The following VPS13B variants were observed in gnomAD, a reference collection of about 807,000 sequenced individuals.
VPS13B encodes vacuolar protein sorting 13 homolog B.
VPS13B carries 285 observed loss-of-function variants against 426.4 expected under a neutral mutation model. The observed-to-expected ratio is 0.67, with a 90% confidence interval of 0.61 to 0.74. VPS13B has a LOEUF of 0.74. VPS13B is among the 30% of genes least tolerant of loss of function. The pLI is 0.00. For missense variants in VPS13B, 4,537 were observed against 4,782.6 expected, an observed-to-expected ratio of 0.95 and a Z score of 1.51; for synonymous variants, 1,676 against 1,676.4, an observed-to-expected ratio of 1.00 and a Z score of 0.01.
chr8:99,243,713 T>G (rs968993979), intron 17 of VPS13B, among the ~76,000 whole-genome samples: 1 of 152,228 alleles, frequency 6.6e-6, no homozygotes, highest in African/African-American at 2.4e-5. Context: ...TATTTAGTGC[T>G]AGGGCCAACT....
intron 17 of VPS13B, among the ~76,000 whole-genome samples, chr8:99,231,475 T>C (rs1166121691): frequency 6.6e-6 from 1 of 152,174 alleles, no homozygotes; most frequent in East Asian, 1.9e-4. Context: ...TCCAATATTC[T>C]CTCTCTCTTT....
At chr8:99,486,295 G>A (rs558469026) in intron 25 of VPS13B, among the ~76,000 whole-genome samples, 7 of 151,710 alleles carry the variant, frequency 4.6e-5, no homozygotes, top group East Asian at 1.9e-4. Flanking sequence ...GCGCGATCTC[G>A]GCTCAGTGCA....
intron 30 of VPS13B, among the ~76,000 whole-genome samples, chr8:99,524,561 C>T (rs1025380644): frequency 2.0e-5 from 3 of 152,200 alleles, no homozygotes; most frequent in East Asian, 1.9e-4. Flanking sequence ...GAAAGCTTTA[C>T]GTGGGAGGAT....
At chr8:99,246,723 G>A (rs1817236928) in intron 17 of VPS13B, among the ~76,000 whole-genome samples, 1 of 151,932 alleles carries the variant, frequency 6.6e-6, no homozygotes, top group Admixed American at 6.6e-5. Context: ...AAAATTAGCT[G>A]GGCCTGGTAG....
At chr8:99,585,398 A>G (rs1826253741) in intron 33 of VPS13B, among the ~76,000 whole-genome samples, 1 of 152,174 alleles carries the variant, frequency 6.6e-6, no homozygotes, top group South Asian at 2.1e-4. Context: ...TGAAAACTGC[A>G]GACTAATACC....
intron 24 of VPS13B, among the ~76,000 whole-genome samples, chr8:99,472,980 A>G (rs939901248): frequency 3.3e-5 from 5 of 152,058 alleles, no homozygotes; most frequent in Non-Finnish European, 7.4e-5. Flanking sequence ...GAGCAAAACC[A>G]AATAGCTCTA....
At chr8:99,221,373 G>A (rs985372815) in intron 17 of VPS13B, among the ~76,000 whole-genome samples, 7 of 151,992 alleles carry the variant, frequency 4.6e-5, no homozygotes, top group East Asian at 1.9e-4. Flanking sequence ...CACTGACTTC[G>A]TTTCAGAATT....
chr8:99,307,631 G>A (rs989960934), intron 19 of VPS13B, among the ~76,000 whole-genome samples: 1 of 151,968 alleles, frequency 6.6e-6, no homozygotes, highest in African/African-American at 2.4e-5. Context: ...TTTCATATCT[G>A]ATTTTGTTTA....
chr8:99,284,876 A>G (rs1819353116), intron 19 of VPS13B, among the ~76,000 whole-genome samples: 1 of 152,194 alleles, frequency 6.6e-6, no homozygotes, highest in African/African-American at 2.4e-5. Flanking sequence ...TTGGTTTGTC[A>G]CCTATAAAAT....
At chr8:99,131,779 G>C (rs1784984763) in intron 8 of VPS13B, among the ~76,000 whole-genome samples, 2 of 152,178 alleles carry the variant, frequency 1.3e-5, no homozygotes, top group Admixed American at 6.5e-5. Flanking sequence ...AAAGGTTGGA[G>C]TGGCAGAGGC....
At chr8:99,359,699 T>C (rs893143424) in intron 19 of VPS13B, among the ~76,000 whole-genome samples, 7 of 152,258 alleles carry the variant, frequency 4.6e-5, no homozygotes, top group Non-Finnish European at 1.0e-4. Flanking sequence ...ATTCAATACG[T>C]GGATTAACCA....
chr8:99,751,089 C>T (rs193016173), intron 39 of VPS13B, among the ~76,000 whole-genome samples: 1 of 152,226 alleles, frequency 6.6e-6, no homozygotes, highest in Non-Finnish European at 1.5e-5. Flanking sequence ...ATCCAGAATA[C>T]CAGAGGTCAA....
intron 19 of VPS13B, among the ~76,000 whole-genome samples, chr8:99,378,325 T>G (rs933675470): frequency 2.0e-5 from 3 of 152,178 alleles, no homozygotes; most frequent in African/African-American, 7.2e-5. Flanking sequence ...GCTGTTTTCC[T>G]GTTCTTAAGG....
In VPS13B at chr8:99,156,628, T is replaced by G. The variant is rs1811379442; in HGVS notation, c.2093T>G (p.Ile698Ser). 1 of 1,614,134 alleles carries G rather than the reference T, an allele frequency of 6.2e-7. No homozygotes were observed. Among genetic ancestry groups the G allele is most frequent in the Non-Finnish European group, 8.5e-7 (1 of 1,179,944 alleles). The change falls in exon 15 of 62, where the codon ATT becomes AGT. Residue 698 changes from isoleucine to serine, a missense_variant. This residue lies in a region of VPS13B where 4,311 missense variants were observed against 4,474.3 expected (regional missense o/e 0.96). Transcript: ENST00000357162. Reference protein sequence around the residue: ...LPSIRILVDKINLEHSVPMYA... With the variant: ...LPSIRILVDKSNLEHSVPMYA... ...TCCATTCGAATATTGGTGGATAAAATTAATCTGGAACATTCAGTGCCAATG... is the reference window on the plus strand; with the variant it reads ...TCCATTCGAATATTGGTGGATAAAAGTAATCTGGAACATTCAGTGCCAATG...
intron 2 of VPS13B, among the ~76,000 whole-genome samples, chr8:99,016,450 T>G (rs778478810): frequency 2.0e-5 from 3 of 152,122 alleles, no homozygotes; most frequent in African/African-American, 7.2e-5. Context: ...TAATTTTAAC[T>G]TGTATTTTCC....
At chr8:99,443,771 G>A (rs1306443042) in intron 23 of VPS13B, among the ~76,000 whole-genome samples, 1 of 152,080 alleles carries the variant, frequency 6.6e-6, no homozygotes, top group African/African-American at 2.4e-5. Flanking sequence ...AGAAATCCTG[G>A]TATAAACATT....
chr8:99,416,058 T>C (rs1588350363), intron 21 of VPS13B, among the ~76,000 whole-genome samples: 1 of 151,676 alleles, frequency 6.6e-6, no homozygotes, highest in South Asian at 2.1e-4. Flanking sequence ...GAGATGGGAG[T>C]TTTATCTATA....
chr8:99,731,716 A>G (rs554393696), intron 39 of VPS13B, among the ~76,000 whole-genome samples: 1 of 152,330 alleles, frequency 6.6e-6, no homozygotes, highest in Non-Finnish European at 1.5e-5. Context: ...GAAGAAATCT[A>G]TGTTCTTGAC....
At chr8:99,768,286 A>C (rs1186407668) in intron 40 of VPS13B, among the ~76,000 whole-genome samples, 1 of 152,172 alleles carries the variant, frequency 6.6e-6, no homozygotes, top group African/African-American at 2.4e-5. Flanking sequence ...ACATTCTGAC[A>C]GTAACAGAAA....
Sources: gnomAD v4.1 joint callset for allele counts (sites outside exome capture counted in the v4.1 genomes callset) on GRCh38, gnomAD v4.1.1 for gene constraint, gnomAD v4.1.1 regional missense constraint, MANE v1.5 for transcripts, NCBI Gene and HGNC (gene_info 2026-07-23, HGNC 2026-07-21) for gene names.